APPBP2: variants seen among roughly 807,000 people sequenced by gnomAD.
The protein encoded by APPBP2 is amyloid protein-binding protein 2.
A neutral mutation model predicts 76.0 loss-of-function variants in APPBP2; 15 were observed. That is an observed-to-expected ratio of 0.20 (90% CI 0.13 to 0.30). APPBP2 has a LOEUF of 0.30. Ranked by LOEUF, APPBP2 falls within the 10% of genes least tolerant of loss-of-function variation. The pLI is 1.00. For missense variants in APPBP2, 401 were observed against 687.2 expected, an observed-to-expected ratio of 0.58 and a Z score of 4.66; for synonymous variants, 222 against 242.2, an observed-to-expected ratio of 0.92 and a Z score of 0.77.
intron 1 of APPBP2, among the ~76,000 whole-genome samples, chr17:60,515,943 T>C (rs2090959655): frequency 6.6e-6 from 1 of 152,164 alleles, no homozygotes; most frequent in Admixed American, 6.5e-5. Context: ...GACAGGCAGA[T>C]CACTTGAGGT....
chr17:60,523,054 C>T (rs187966647), intron 1 of APPBP2, among the ~76,000 whole-genome samples: 18 of 151,968 alleles, frequency 1.2e-4, no homozygotes, highest in Admixed American at 2.6e-4. Context: ...TACTGTAGTA[C>T]ACCAAACAAG....
intron 3 of APPBP2, among the ~76,000 whole-genome samples, chr17:60,479,891 C>T (rs2090616717): frequency 6.6e-6 from 1 of 152,146 alleles, no homozygotes. Context: ...ACTTTCACAA[C>T]ACACCTTCGA....
rs781173795 is a variant in APPBP2, at chr17:60,461,820, G to A, written c.926C>T (p.Ala309Val). Residue 309 changes from alanine to valine, a missense_variant, in exon 8 of 13, where the codon GCA becomes GTA. Coordinates refer to ENST00000083182, the MANE Select transcript of APPBP2 (RefSeq NM_006380.5). ...TAACCATTAACATACCTGATAAATT[G>A]CAACAGACTGACAGATATTATCTAC... Reference protein sequence around the residue: ...LNVDNICQSVAIYQAALDIRQ... With the variant: ...LNVDNICQSVVIYQAALDIRQ... The A allele has an allele frequency of 1.1e-5, 18 of 1,602,644 alleles. No homozygotes were observed. The highest frequency in any genetic ancestry group is 1.5e-5 in the Non-Finnish European group (18 of 1,173,770).
chr17:60,490,888 G>A lies in APPBP2; in HGVS notation c.379+3578C>T, dbSNP rs372381584. 1.2e-4 allele frequency among the ~76,000 whole-genome samples: 18 copies of A among 152,256 alleles called. No individual in the cohort carries two copies. The South Asian group carries it at 3.3e-3, about 28-fold the overall frequency. On this transcript the variant is annotated intron_variant, in intron 3 of 12. Coordinates refer to ENST00000083182, the MANE Select transcript of APPBP2 (RefSeq NM_006380.5). Reference sequence around the variant, plus strand: ...ATGATTGTGAGGCCTCCCCAGCCACGTGGAACTATGAGTCCATTAAACCTC... The same window carrying A: ...ATGATTGTGAGGCCTCCCCAGCCACATGGAACTATGAGTCCATTAAACCTC...
intron 1 of APPBP2, among the ~76,000 whole-genome samples, chr17:60,521,929 C>G (rs1478372428): frequency 6.6e-6 from 1 of 152,172 alleles, no homozygotes; most frequent in Non-Finnish European, 1.5e-5. Flanking sequence ...TTACAACTGC[C>G]TACGGTACTC....
At chr17:60,489,864 G>GT (rs2090712446) in intron 3 of APPBP2, among the ~76,000 whole-genome samples, 1 of 151,638 alleles carries the variant, frequency 6.6e-6, no homozygotes, top group Non-Finnish European at 1.5e-5. Flanking sequence ...GGTGAACCCC[G>GT]TCTCTACTAA....
chr17:60,451,892 A>C lies in APPBP2; in HGVS notation c.1492T>G (p.Ser498Ala). The change falls in exon 12 of 13, where the codon TCT (serine) becomes GCT (alanine). Residue 498 changes from serine (S) to alanine (A), a missense_variant. By Grantham distance (99) the Ser-to-Ala change is moderately conservative (BLOSUM62 1). Coordinates refer to ENST00000083182, the MANE Select transcript of APPBP2 (RefSeq NM_006380.5). ...AAATGTAACATACCAATTGCTATAGATCGCAAATAAAGTTTCTCAGCATTT... is the reference window on the plus strand; with the variant it reads ...AAATGTAACATACCAATTGCTATAGCTCGCAAATAAAGTTTCTCAGCATTT... Reference protein sequence around the residue: ...YENAEKLYLRSIAIGKKLFGE... With the variant: ...YENAEKLYLRAIAIGKKLFGE... 1 of 1,607,442 alleles carries C rather than the reference A, an allele frequency of 6.2e-7. No homozygotes were observed. The highest frequency in any genetic ancestry group is 8.5e-7 in the Non-Finnish European group (1 of 1,178,130).
chr17:60,487,790 A>ATTTTC (rs1161688667), intron 3 of APPBP2, among the ~76,000 whole-genome samples: 3 of 151,942 alleles, frequency 2.0e-5, no homozygotes, highest in Non-Finnish European at 4.4e-5. Flanking sequence ...GGTTTTTAGA[A>ATTTTC]TTTTCAGCTT....
At chr17:60,508,569 AG>A (rs1391331006) in intron 1 of APPBP2, among the ~76,000 whole-genome samples, 1 of 152,206 alleles carries the variant, frequency 6.6e-6, no homozygotes, top group Non-Finnish European at 1.5e-5. Context: ...ACCAGAAAGG[AG>A]CTGAGGCAGC....
At chr17:60,488,235 T>G (rs529719389) in intron 3 of APPBP2, among the ~76,000 whole-genome samples, 4 of 152,290 alleles carry the variant, frequency 2.6e-5, no homozygotes, top group African/African-American at 9.6e-5. Flanking sequence ...GCTGGGAGAA[T>G]CACTGCTCTC....
At chr17:60,497,458 A>G (rs1487729659) in intron 2 of APPBP2, among the ~76,000 whole-genome samples, 1 of 152,228 alleles carries the variant, frequency 6.6e-6, no homozygotes, top group African/African-American at 2.4e-5. Context: ...ATAGTAAAAA[A>G]TAATTTAGTT....
At chr17:60,481,377 G>A (rs1482814006) in intron 3 of APPBP2, among the ~76,000 whole-genome samples, 1 of 152,118 alleles carries the variant, frequency 6.6e-6, no homozygotes, top group Non-Finnish European at 1.5e-5. Flanking sequence ...GATCCCTTGA[G>A]GCCAAGAGTT....
intron 4 of APPBP2, among the ~76,000 whole-genome samples, chr17:60,472,851 T>C (rs926199870): frequency 1.3e-5 from 2 of 152,222 alleles, no homozygotes; most frequent in Non-Finnish European, 2.9e-5. Context: ...ACACTGCTTA[T>C]GTAGGTGGCT....
At chr17:60,480,462 C>T (rs1045080892) in intron 3 of APPBP2, among the ~76,000 whole-genome samples, 2 of 151,982 alleles carry the variant, frequency 1.3e-5, no homozygotes, top group African/African-American at 2.4e-5. Context: ...TCTTGGCACA[C>T]AAAAAATATG....
intron 4 of APPBP2, chr17:60,477,507 C>G (rs1160045889): frequency 1.3e-5 from 2 of 151,786 alleles, no homozygotes; most frequent in African/African-American, 4.8e-5. Flanking sequence ...TCTCCTATTC[C>G]TAAAAATATA....
chr17:60,509,107 A>C (rs75080791), intron 1 of APPBP2, among the ~76,000 whole-genome samples: 12,502 of 152,058 alleles, frequency 0.082, 1,702 homozygotes, highest in African/African-American at 0.28. Context: ...TGAGTCCAGG[A>C]GTGGTGGCTC....
Position 60,454,335 on chromosome 17 carries a change from A to G in APPBP2, c.1305T>C (p.Leu435=), listed in dbSNP as rs1406655155. The G allele has an allele frequency of 6.3e-7, 1 of 1,585,598 alleles. No homozygotes were observed. The highest frequency in any genetic ancestry group is 1.9e-5 in the Admixed American group (1 of 53,316). ...NVQTAKHYGN[L]GRLYQSMRKF... is the part of the protein sequence containing the mutation. ...TTCTCATTGACTGATAAAGTCTTCC[A>G]AGGTTTCCATAGTGTTTTGCAGTCT... Residue 435 remains leucine (L), a synonymous_variant, in exon 11 of 13, where the codon CTT becomes CTC. Transcript: ENST00000083182.
chr17:60,505,555 T>C (rs974579805), intron 1 of APPBP2, among the ~76,000 whole-genome samples: 2 of 151,862 alleles, frequency 1.3e-5, no homozygotes, highest in Non-Finnish European at 2.9e-5. Flanking sequence ...GACCTTGTGA[T>C]CCGCCCACCG....
At chr17:60,504,315 T>C (rs1291335431) in intron 1 of APPBP2, among the ~76,000 whole-genome samples, 1 of 152,100 alleles carries the variant, frequency 6.6e-6, no homozygotes, top group Non-Finnish European at 1.5e-5. Flanking sequence ...AACAGTATTA[T>C]ACAGTTATGA....
Sources: allele counts gnomAD v4.1 joint callset (sites outside exome capture counted in the v4.1 genomes callset), GRCh38; gene constraint gnomAD v4.1.1; transcripts MANE v1.5; gene names NCBI Gene and HGNC (gene_info 2026-07-23, HGNC 2026-07-21).